The following ZBTB20 variants were observed in gnomAD, a reference collection of about 807,000 sequenced individuals.
The protein encoded by ZBTB20 is zinc finger and BTB domain containing 20, also known as zinc finger and BTB domain-containing protein 20.
A neutral mutation model predicts 56.9 loss-of-function variants in ZBTB20; 9 were observed. The ratio of observed to expected loss-of-function variants is 0.16; its 90% CI spans 0.10 to 0.28. ZBTB20 has a LOEUF of 0.28. Among genes scored for constraint, ZBTB20 ranks in the 10% least tolerant of loss-of-function variants. The probability of loss-of-function intolerance (pLI) is 1.00; values close to 1 mark genes in which losing one functional copy is unlikely to be tolerated. For missense variants in ZBTB20, 655 were observed against 1,003.0 expected, an observed-to-expected ratio of 0.65 and a Z score of 4.69; for synonymous variants, 417 against 420.7, an observed-to-expected ratio of 0.99 and a Z score of 0.11.
At chr3:114,981,437 A>G (rs937337095) in intron 2 of ZBTB20, among the ~76,000 whole-genome samples, 2 of 152,150 alleles carry the variant, frequency 1.3e-5, no homozygotes, top group African/African-American at 2.4e-5. Flanking sequence ...GAAACAAAAT[A>G]GTGCTGCTTT....
chr3:114,736,632 G>A (rs1203389472), intron 5 of ZBTB20, among the ~76,000 whole-genome samples: 1 of 152,068 alleles, frequency 6.6e-6, no homozygotes, highest in African/African-American at 2.4e-5. Context: ...AGAATTTACT[G>A]GGACTAATGG....
intron 1 of ZBTB20, among the ~76,000 whole-genome samples, chr3:115,122,613 C>T (rs2084214336): frequency 6.6e-6 from 1 of 152,014 alleles, no homozygotes; most frequent in African/African-American, 2.4e-5. Flanking sequence ...CTTTATTTGT[C>T]CTGCCTCTCC....
At chr3:114,495,458 C>CAT (rs1322697900) in intron 7 of ZBTB20, among the ~76,000 whole-genome samples, 3 of 148,808 alleles carry the variant, frequency 2.0e-5, no homozygotes, top group Non-Finnish European at 2.9e-5. Flanking sequence ...TGTATACACA[C>CAT]ACACACACAC....
intron 6 of ZBTB20, among the ~76,000 whole-genome samples, chr3:114,511,192 G>T (rs117241426): frequency 5.3e-5 from 8 of 151,064 alleles, no homozygotes; most frequent in East Asian, 2.0e-4. Context: ...ATTATCTTAT[G>T]CAGTAAATGT....
At chr3:114,605,534 C>T (rs891918967) in intron 6 of ZBTB20, among the ~76,000 whole-genome samples, 1 of 152,132 alleles carries the variant, frequency 6.6e-6, no homozygotes, top group African/African-American at 2.4e-5. Context: ...GTGTATTTCG[C>T]TAACATTAGA....
At chr3:114,432,058 G>A (rs2090162226) in intron 7 of ZBTB20, among the ~76,000 whole-genome samples, 1 of 151,930 alleles carries the variant, frequency 6.6e-6, no homozygotes, top group African/African-American at 2.4e-5. Context: ...GAGAGAGGGG[G>A]GAAAACCACA....
intron 6 of ZBTB20, among the ~76,000 whole-genome samples, chr3:114,581,378 T>C (rs1240602512): frequency 1.3e-5 from 2 of 151,928 alleles, no homozygotes. Context: ...TTAAATGACA[T>C]AAAAGCACAA....
rs369711507 is a variant in ZBTB20 at position 114,701,925 on chromosome 3, A to G, written c.-342-8350T>C. Reference sequence around the variant, plus strand: ...ATATTTGGAAAATGTTTTGTCTTAGATAAGAAAATGCACAATCTCCTAGAA... The same window carrying G: ...ATATTTGGAAAATGTTTTGTCTTAGGTAAGAAAATGCACAATCTCCTAGAA... On this transcript the variant is annotated intron_variant, in intron 5 of 11. Transcript: ENST00000675478. Among the ~76,000 whole-genome samples the G allele has an allele frequency of 1.4e-4, 22 of 152,352 alleles. No homozygotes were observed. The South Asian group carries it at 2.9e-3, about 20-fold the overall frequency.
At chr3:115,029,344 G>A (rs965725196) in intron 2 of ZBTB20, among the ~76,000 whole-genome samples, 1 of 150,558 alleles carries the variant, frequency 6.6e-6, no homozygotes, top group Non-Finnish European at 1.5e-5. Flanking sequence ...ATTGAAGGGG[G>A]GGGGCAGTGG....
chr3:114,500,442 C>T (rs1321980415), intron 6 of ZBTB20, 51 bp from the exon 7 acceptor site: 1 of 151,944 alleles, frequency 6.6e-6, no homozygotes, highest in Non-Finnish European at 1.5e-5. Flanking sequence ...ATATATGATG[C>T]AAAACCAATA....
intron 4 of ZBTB20, among the ~76,000 whole-genome samples, chr3:114,875,517 G>T (rs1161158175): frequency 6.6e-6 from 1 of 152,044 alleles, no homozygotes; most frequent in African/African-American, 2.4e-5. Flanking sequence ...ATGTTAAAAT[G>T]GAGAAAATGG....
intron 5 of ZBTB20, among the ~76,000 whole-genome samples, chr3:114,728,724 C>A (rs578013380): frequency 6.6e-6 from 1 of 152,148 alleles, no homozygotes; most frequent in South Asian, 2.1e-4. Flanking sequence ...CTTGAGAAGA[C>A]GTGCATCTTT....
At chr3:114,913,708 G>C (rs2075633407) in intron 3 of ZBTB20, among the ~76,000 whole-genome samples, 1 of 151,612 alleles carries the variant, frequency 6.6e-6, no homozygotes, top group South Asian at 2.1e-4. Context: ...TAGTGTCATA[G>C]TTTGAGGTAT....
At chr3:114,632,032 T>C (rs1303329730) in intron 6 of ZBTB20, among the ~76,000 whole-genome samples, 1 of 152,216 alleles carries the variant, frequency 6.6e-6, no homozygotes, top group African/African-American at 2.4e-5. Flanking sequence ...AGGAGAGTCC[T>C]GTAGAGAGTA....
intron 7 of ZBTB20, among the ~76,000 whole-genome samples, chr3:114,490,668 CTA>C (rs1329437890): frequency 6.6e-6 from 1 of 152,148 alleles, no homozygotes; most frequent in African/African-American, 2.4e-5. Context: ...ACAATTCACA[CTA>C]TACCAATACC....
intron 7 of ZBTB20, among the ~76,000 whole-genome samples, chr3:114,440,715 A>T (rs1455207435): frequency 4.6e-5 from 7 of 152,198 alleles, no homozygotes. Flanking sequence ...TGGTACGAGT[A>T]CTGTCTTGGA....
intron 6 of ZBTB20, among the ~76,000 whole-genome samples, chr3:114,513,180 T>C (rs1474870093): frequency 6.6e-6 from 1 of 152,208 alleles, no homozygotes. Context: ...ATGTTCTCTC[T>C]GTTGCTTTCA....
At chr3:114,971,823 T>C (rs964029075) in intron 3 of ZBTB20, among the ~76,000 whole-genome samples, 30 of 152,186 alleles carry the variant, frequency 2.0e-4, no homozygotes, top group African/African-American at 6.3e-4. Flanking sequence ...GACAAAGCTA[T>C]TATTTATGGC....
chr3:114,991,317 A>G (rs889706476), intron 2 of ZBTB20, among the ~76,000 whole-genome samples: 1 of 151,892 alleles, frequency 6.6e-6, no homozygotes, highest in Non-Finnish European at 1.5e-5. Flanking sequence ...CTTTGTTCTC[A>G]TTGGTTTCAA....
Sources: allele counts gnomAD v4.1 joint callset (sites outside exome capture counted in the v4.1 genomes callset), GRCh38; gene constraint gnomAD v4.1.1; transcripts MANE v1.5; gene names NCBI Gene and HGNC (gene_info 2026-07-23, HGNC 2026-07-21).